The following SLC35F1 variants were observed in gnomAD, a reference collection of about 807,000 sequenced individuals.
SLC35F1 encodes solute carrier family 35 member F1.
A neutral mutation model predicts 48.7 loss-of-function variants in SLC35F1; 14 were observed. That is an observed-to-expected ratio of 0.29 (90% CI 0.19 to 0.45). SLC35F1 has a LOEUF of 0.45. Ranked by LOEUF, SLC35F1 falls within the 20% of genes least tolerant of loss-of-function variation. SLC35F1 has a pLI of 1.00. For synonymous variants in SLC35F1, 190 were observed against 202.2 expected (o/e 0.94, Z 0.51); for missense variants, 404 against 500.0 (o/e 0.81, Z 1.83).
chr6:117,984,780 G>A (rs998841412), intron 1 of SLC35F1, among the ~76,000 whole-genome samples: 1 of 152,172 alleles, frequency 6.6e-6, no homozygotes, highest in African/African-American at 2.4e-5. Context: ...GGCAGTATGT[G>A]CATTTATTGT....
At position 118,315,060 on chromosome 6, in the gene SLC35F1, A is replaced by G. The variant is rs996510094; in HGVS notation, c.*808A>G. ...AGAAATAATATCATTTGTGTTTAGG[A>G]CAATATATAATTATAAAATCTTTCT... On this transcript the variant is annotated 3_prime_UTR_variant, in exon 8 of 8. Coordinates refer to ENST00000360388, the MANE Select transcript of SLC35F1 (RefSeq NM_001029858.4). 1 of 152,582 alleles carries G rather than the reference A, an allele frequency of 6.6e-6. No homozygotes were observed. The highest frequency in any genetic ancestry group is 6.5e-5 in the Admixed American group (1 of 15,272). 9.5% of individuals were successfully genotyped at this position (152,582 alleles called of 1,614,324 possible). A position where few individuals can be genotyped will look rare whatever the true frequency, so the allele number is the denominator to read the frequency against.
At chr6:118,048,835 T>A (rs1446499956) in intron 1 of SLC35F1, among the ~76,000 whole-genome samples, 2 of 152,068 alleles carry the variant, frequency 1.3e-5, no homozygotes, top group African/African-American at 2.4e-5. Flanking sequence ...GCTACCAATG[T>A]CTTTCTTCAC....
At chr6:117,936,607 G>A (rs1776165978) in intron 1 of SLC35F1, among the ~76,000 whole-genome samples, 1 of 152,068 alleles carries the variant, frequency 6.6e-6, no homozygotes, top group Admixed American at 6.6e-5. Context: ...TTGTTATCTA[G>A]CACTGTTGTG....
intron 1 of SLC35F1, among the ~76,000 whole-genome samples, chr6:118,015,364 G>C (rs1039010009): frequency 6.6e-6 from 1 of 151,950 alleles, no homozygotes; most frequent in Non-Finnish European, 1.5e-5. Flanking sequence ...TGTCATGAGG[G>C]TTTGTGGTAC....
Position 118,096,563 on chromosome 6 carries a change from C to T in SLC35F1, c.174-57882C>T, listed in dbSNP as rs556546408. Among the ~76,000 whole-genome samples the T allele has an allele frequency of 8.2e-4, 125 of 152,272 alleles. 2 individuals are homozygous for T. The highest frequency in any genetic ancestry group is 4.4e-5 in the Non-Finnish European group (3 of 68,012). The stretch of plus-strand genomic sequence containing the variant: ...TCATCCAAGCATTGTTGTAAAATCC[C>T]CTTCAAATGCACAATAGATGGGCCT... On this transcript the variant is annotated intron_variant, in intron 1 of 7. Coordinates refer to ENST00000360388, the MANE Select transcript of SLC35F1 (RefSeq NM_001029858.4).
chr6:118,161,924 G>A (rs1161740839), intron 2 of SLC35F1, among the ~76,000 whole-genome samples: 6 of 152,156 alleles, frequency 3.9e-5, no homozygotes, highest in Non-Finnish European at 7.4e-5. Context: ...CCACCTGTAC[G>A]TGGGAATACA....
intron 2 of SLC35F1, among the ~76,000 whole-genome samples, chr6:118,213,381 C>T (rs922191753): frequency 2.6e-5 from 4 of 152,188 alleles, no homozygotes; most frequent in East Asian, 1.9e-4. Flanking sequence ...GATGGGGAGA[C>T]GGGAACCCAT....
chr6:118,297,753 T>TAA (rs1776209637), intron 7 of SLC35F1, among the ~76,000 whole-genome samples: 1 of 30,492 alleles, frequency 3.3e-5, no homozygotes, highest in Non-Finnish European at 7.2e-5. Context: ...TATATATATA[T>TAA]AATATATATA....
intron 1 of SLC35F1, among the ~76,000 whole-genome samples, chr6:118,112,992 C>T (rs1157817517): frequency 6.6e-6 from 1 of 152,006 alleles, no homozygotes; most frequent in Non-Finnish European, 1.5e-5. Flanking sequence ...TAAAGACAGA[C>T]AATTTAAAAA....
chr6:118,296,471 G>A (rs1776185468), intron 7 of SLC35F1, among the ~76,000 whole-genome samples: 1 of 152,178 alleles, frequency 6.6e-6, no homozygotes. Flanking sequence ...ATCTATGCAG[G>A]AAGAAAAGAA....
chr6:118,026,409 G>A (rs1771943450), intron 1 of SLC35F1, among the ~76,000 whole-genome samples: 1 of 152,168 alleles, frequency 6.6e-6, no homozygotes, highest in Admixed American at 6.6e-5. Context: ...TTAAGTGACT[G>A]GCTGTACTTT....
At chr6:118,021,565 A>C (rs1562266390) in intron 1 of SLC35F1, among the ~76,000 whole-genome samples, 1 of 152,176 alleles carries the variant, frequency 6.6e-6, no homozygotes, top group Non-Finnish European at 1.5e-5. Flanking sequence ...TCATCTATTC[A>C]ATATGTGTAA....
intron 2 of SLC35F1, among the ~76,000 whole-genome samples, chr6:118,186,333 G>A (rs1157834883): frequency 6.6e-6 from 1 of 152,020 alleles, no homozygotes. Context: ...TCTACTCTAT[G>A]AGAGTAAAAG....
chr6:118,117,656 C>T (rs1773492498), intron 1 of SLC35F1, among the ~76,000 whole-genome samples: 1 of 152,098 alleles, frequency 6.6e-6, no homozygotes, highest in African/African-American at 2.4e-5. Context: ...TAATTATATA[C>T]AATCATGCAA....
intron 1 of SLC35F1, among the ~76,000 whole-genome samples, chr6:118,149,828 G>A (rs1774029140): frequency 6.6e-6 from 1 of 152,152 alleles, no homozygotes; most frequent in Non-Finnish European, 1.5e-5. Flanking sequence ...TTGTTGAAAG[G>A]CACACATTAC....
At chr6:118,113,920 T>G (rs1773442499) in intron 1 of SLC35F1, among the ~76,000 whole-genome samples, 1 of 152,220 alleles carries the variant, frequency 6.6e-6, no homozygotes, top group African/African-American at 2.4e-5. Context: ...GCAGTGCCAG[T>G]GTCATCTGTT....
At chr6:117,999,999 C>T (rs1217800239) in intron 1 of SLC35F1, among the ~76,000 whole-genome samples, 1 of 151,466 alleles carries the variant, frequency 6.6e-6, no homozygotes, top group African/African-American at 2.4e-5. Flanking sequence ...GATGGATTCA[C>T]AGCCGAATTC....
At chr6:117,946,541 T>C (rs1776297579) in intron 1 of SLC35F1, among the ~76,000 whole-genome samples, 1 of 152,198 alleles carries the variant, frequency 6.6e-6, no homozygotes, top group African/African-American at 2.4e-5. Flanking sequence ...TTTTAAGCTG[T>C]CATAAGTTTG....
chr6:118,149,392 A>C lies in SLC35F1; in HGVS notation c.174-5053A>C, dbSNP rs533122862. Among the ~76,000 whole-genome samples, 8 of 152,336 alleles carry C rather than the reference A, an allele frequency of 5.3e-5. No individual in the cohort carries two copies. In the East Asian group the frequency reaches 1.5e-3, roughly 29 times the overall value. ...AACATTTTTGTACAACACATCGCCA[A>C]ATGGATTTGTCCTGTGCTAATAGAG... is the stretch of plus-strand genomic sequence containing the variant. On this transcript the variant is annotated intron_variant, in intron 1 of 7. Coordinates refer to ENST00000360388, the MANE Select transcript of SLC35F1 (RefSeq NM_001029858.4).
Sources: gnomAD v4.1 joint callset for allele counts (sites outside exome capture counted in the v4.1 genomes callset) on GRCh38, gnomAD v4.1.1 for gene constraint, MANE v1.5 for transcripts, NCBI Gene and HGNC (gene_info 2026-07-23, HGNC 2026-07-21) for gene names.